DIS3L: variants seen among roughly 807,000 people sequenced by gnomAD.
DIS3L encodes the protein DIS3 like exosome 3'-5' exoribonuclease.
Under a neutral mutation model 120.3 loss-of-function variants are expected in DIS3L, and 100 were observed. That is an observed-to-expected ratio of 0.83 (90% CI 0.71 to 0.98). The LOEUF is 0.98. Ranked by LOEUF, DIS3L falls within the 50% of genes least tolerant of loss-of-function variation. DIS3L has a pLI of 0.00. For missense variants in DIS3L, 1,196 were observed against 1,314.2 expected (o/e 0.91, Z 1.39); for synonymous variants, 426 against 470.6 (o/e 0.91, Z 1.23).
At chr15:66,314,286 A>G (rs578164482) in intron 6 of DIS3L, among the ~76,000 whole-genome samples, 169 bp downstream of exon 6, 1 of 152,042 alleles carries the variant, frequency 6.6e-6, no homozygotes, top group Non-Finnish European at 1.5e-5. Context: ...CTTTTTGTCT[A>G]TAATTTCTGA....
At chr15:66,314,235 C>T (rs2092794295) in intron 6 of DIS3L, 118 bp downstream of exon 6, 4 of 727,452 alleles carry the variant, frequency 5.5e-6, no homozygotes, top group Non-Finnish European at 8.1e-6. Flanking sequence ...TGCCTACATA[C>T]ATTGGGTATG....
chr15:66,305,069 CG>C (rs1245733859), intron 2 of DIS3L, among the ~76,000 whole-genome samples: 1 of 133,758 alleles, frequency 7.5e-6, no homozygotes, highest in African/African-American at 2.8e-5. Flanking sequence ...GGCCTGATCT[CG>C]GCTCACTGCA....
rs2092974140 is a variant in DIS3L at position 66,329,317 on chromosome 15, A to AT, written c.2454dup (p.Lys819Ter). Reference sequence around the variant, plus strand: ...TTGTTAATGGCAGCCATTTCAAAAGATAAGAAAATGGAAATTAAGGGAAAT... The same window carrying AT: ...TTGTTAATGGCAGCCATTTCAAAAGATTAAGAAAATGGAAATTAAGGGAAAT... On this transcript the variant is annotated frameshift_variant, in exon 14 of 17. Transcript: ENST00000319212. LOFTEE classifies it high-confidence loss of function. 6.2e-7 allele frequency: 1 copy of AT among 1,614,022 alleles called. No homozygotes were observed. The highest frequency in any genetic ancestry group is 1.3e-5 in the African/African-American group (1 of 74,938).
intron 5 of DIS3L, among the ~76,000 whole-genome samples, chr15:66,313,604 C>T (rs1027912884): frequency 6.6e-6 from 1 of 152,028 alleles, no homozygotes; most frequent in South Asian, 2.1e-4. Context: ...GTGGTGGACA[C>T]CTGTAATCCC....
rs2092871661 is a variant in DIS3L, at chr15:66,320,564, T to C, written c.1165-7T>C. 6.2e-7 allele frequency: 1 copy of C among 1,606,424 alleles called. No individual in the cohort carries two copies. The highest frequency in any genetic ancestry group is 2.2e-5 in the East Asian group (1 of 44,746). On this transcript the variant is annotated splice_region_variant and splice_polypyrimidine_tract_variant and intron_variant, in intron 8 of 16. Coordinates refer to ENST00000319212, the MANE Select transcript of DIS3L (RefSeq NM_001143688.3). The stretch of plus-strand genomic sequence containing the variant: ...TCAGCTGTGTTTTATTTTTTCCTTT[T>C]GTGCAGGACTTCAGGGTGGTCGTGC...
chr15:66,309,094 A>AAAAAAAAATATAT lies in DIS3L; in HGVS notation c.558+251_558+252insAAAAAAATATATA. On this transcript the variant is annotated intron_variant, in intron 4 of 16. Transcript: ENST00000319212. ...CTTGTCTCTACAGAAAAAAAAAAAA[A>AAAAAAAAATATAT]ATATATATATCTCCAAGCATGGTGG... 3.9e-4 allele frequency among the ~76,000 whole-genome samples: 6 copies of AAAAAAAAATATAT among 15,314 alleles called. 1 individual carries two copies. The highest frequency in any genetic ancestry group is 7.8e-4 in the African/African-American group (4 of 5,124). 10.0% of individuals were successfully genotyped at this position (15,314 alleles called of 152,430 possible).
chr15:66,327,434 CT>C (rs1381873248), intron 12 of DIS3L, among the ~76,000 whole-genome samples: 11 of 152,150 alleles, frequency 7.2e-5, no homozygotes, highest in African/African-American at 2.7e-4. Context: ...CTCCCTATCT[CT>C]AGGATAAAAT....
intron 11 of DIS3L, among the ~76,000 whole-genome samples, chr15:66,324,024 A>G (rs1163691710): frequency 6.6e-6 from 1 of 152,182 alleles, no homozygotes; most frequent in Non-Finnish European, 1.5e-5. Context: ...GCCCGAACTC[A>G]TATGTCCCAA....
At position 66,311,783 on chromosome 15, in the gene DIS3L, C is replaced by T. The variant is rs1223595921; in HGVS notation, c.618C>T (p.Ile206=). The T allele has an allele frequency of 6.2e-7, 1 of 1,614,160 alleles. No individual in the cohort carries two copies. The highest frequency in any genetic ancestry group is 2.2e-5 in the East Asian group (1 of 44,882). Residue 206 remains isoleucine (I), a synonymous_variant, in exon 5 of 17, where the codon ATC becomes ATT. Coordinates refer to ENST00000319212, the MANE Select transcript of DIS3L (RefSeq NM_001143688.3). ...CTGCCCACGAGCTTTGTGATTCTAT[C>T]CTTCAGTCTCGACGGGAGAGAGAGA... ...LKAAHELCDS[I]LQSRRERENE... is the part of the protein sequence containing the mutation.
intron 7 of DIS3L, among the ~76,000 whole-genome samples, chr15:66,317,089 T>G (rs971278669): frequency 6.6e-5 from 10 of 152,160 alleles, no homozygotes; most frequent in Admixed American, 2.0e-4. Flanking sequence ...ACTGTTCAAA[T>G]GTCACTTTAT....
In DIS3L at chr15:66,293,568, A is replaced by C. The variant is rs2092545339; in HGVS notation, c.-29A>C. 2 of 1,410,458 alleles carry C rather than the reference A, an allele frequency of 1.4e-6. No homozygotes were observed. The highest frequency in any genetic ancestry group is 1.9e-6 in the Non-Finnish European group (2 of 1,080,974). The allele number at this position is 1,410,458 out of a possible 1,614,324, so 87.4% of individuals were successfully genotyped here. The stretch of plus-strand genomic sequence containing the variant: ...CGGCCTTGCCTCCGCCGCGCCCGCC[A>C]CTCCGCGGCCGCCGGGAGACACGCC... On this transcript the variant is annotated 5_prime_UTR_variant, in exon 1 of 17. Transcript: ENST00000319212.
At chr15:66,307,960 A>T (rs1388505199) in intron 3 of DIS3L, among the ~76,000 whole-genome samples, 1 of 152,136 alleles carries the variant, frequency 6.6e-6, no homozygotes, top group Non-Finnish European at 1.5e-5. Context: ...AGGCAAGAGG[A>T]TCAGGAGTTC....
chr15:66,322,323 T>G (rs1385621777), intron 9 of DIS3L, among the ~76,000 whole-genome samples: 1 of 152,194 alleles, frequency 6.6e-6, no homozygotes, highest in African/African-American at 2.4e-5. Flanking sequence ...ATTTAAAGCT[T>G]GACTACATTT....
intron 11 of DIS3L, 34 bp downstream of exon 11, chr15:66,323,619 C>A: frequency 6.2e-7 from 1 of 1,604,802 alleles, no homozygotes; most frequent in Non-Finnish European, 8.5e-7. Context: ...AAAGCTTGTC[C>A]TGGCCCTTCT....
chr15:66,329,922 A>G, intron 14 of DIS3L: 1 of 985,074 alleles, frequency 1.0e-6, no homozygotes. Context: ...CAAAAAAAAA[A>G]AAAGATATGA....
At chr15:66,317,597 A>G (rs1401540501) in intron 7 of DIS3L, among the ~76,000 whole-genome samples, 1 of 152,162 alleles carries the variant, frequency 6.6e-6, no homozygotes, top group Non-Finnish European at 1.5e-5. Context: ...GATTGATAAG[A>G]TAATGGCAAA....
At chr15:66,304,823 C>T (rs1197976419) in intron 2 of DIS3L, among the ~76,000 whole-genome samples, 9 of 145,162 alleles carry the variant, frequency 6.2e-5, no homozygotes, top group South Asian at 2.2e-4. Flanking sequence ...ATCACTTGAA[C>T]GTGGGAGGCA....
intron 5 of DIS3L, 142 bp downstream of exon 5, chr15:66,312,042 A>G (rs574279724): frequency 2.0e-6 from 2 of 1,001,114 alleles, no homozygotes; most frequent in South Asian, 1.7e-5. Context: ...CCCTGTCTCT[A>G]GAAAAAATTT....
At chr15:66,319,721 C>G (rs1405803938) in intron 8 of DIS3L, among the ~76,000 whole-genome samples, 1 of 152,118 alleles carries the variant, frequency 6.6e-6, no homozygotes, top group Non-Finnish European at 1.5e-5. Flanking sequence ...AGGCCAGTTG[C>G]ACCTAATACA....
Sources: gnomAD v4.1 joint callset for allele counts (sites outside exome capture counted in the v4.1 genomes callset) on GRCh38, gnomAD v4.1.1 for gene constraint, MANE v1.5 for transcripts, NCBI Gene and HGNC (gene_info 2026-07-23, HGNC 2026-07-21) for gene names.